CACNA1C: variants seen among roughly 807,000 people sequenced by gnomAD.
CACNA1C encodes the protein voltage-dependent L-type calcium channel subunit alpha-1C.
In CACNA1C, 30 loss-of-function variants were observed where a neutral mutation model predicts 229.0. The ratio of observed to expected loss-of-function variants is 0.13; its 90% CI spans 0.10 to 0.18. The LOEUF is 0.18. Among genes scored for constraint, CACNA1C ranks in the 10% least tolerant of loss-of-function variants. The probability of loss-of-function intolerance (pLI) is 1.00; values close to 1 mark genes in which losing one functional copy is unlikely to be tolerated. For synonymous variants in CACNA1C, 1,114 were observed against 1,132.5 expected, an observed-to-expected ratio of 0.98 and a Z score of 0.33; for missense variants, 1,658 against 2,845.0, an observed-to-expected ratio of 0.58 and a Z score of 9.49.
intron 3 of CACNA1C, among the ~76,000 whole-genome samples, chr12:2,191,568 A>G (rs934030064): frequency 9.2e-5 from 14 of 152,132 alleles, no homozygotes; most frequent in Non-Finnish European, 2.1e-4. Flanking sequence ...ACATGCACTC[A>G]CATGTACTCA....
At chr12:2,109,090 C>G (rs920066819) in intron 1 of CACNA1C, among the ~76,000 whole-genome samples, 1 of 152,204 alleles carries the variant, frequency 6.6e-6, no homozygotes, top group African/African-American at 2.4e-5. Context: ...CTCTCTAAAT[C>G]GATGTGGGTG....
chr12:2,234,086 C>T (rs1015256533), intron 3 of CACNA1C, among the ~76,000 whole-genome samples: 2 of 152,162 alleles, frequency 1.3e-5, no homozygotes, highest in Non-Finnish European at 2.9e-5. Flanking sequence ...GAATAAGAAT[C>T]ACTTTCACGG....
chr12:2,350,423 C>T (rs1473181613), intron 3 of CACNA1C, among the ~76,000 whole-genome samples: 2 of 152,232 alleles, frequency 1.3e-5, no homozygotes, highest in African/African-American at 2.4e-5. Context: ...CTTGCCCAAG[C>T]ACACACAAAT....
chr12:2,592,429 G>A (rs946610692), intron 18 of CACNA1C, among the ~76,000 whole-genome samples: 6 of 152,324 alleles, frequency 3.9e-5, no homozygotes, highest in South Asian at 2.1e-4. Flanking sequence ...TGGTCCAGGC[G>A]ATTGGCTGGA....
intron 3 of CACNA1C, among the ~76,000 whole-genome samples, chr12:2,121,802 C>T (rs1024685422): frequency 6.6e-6 from 1 of 152,232 alleles, no homozygotes; most frequent in Admixed American, 6.5e-5. Flanking sequence ...CTTCCTCTGC[C>T]ATGGTCCTCC....
In CACNA1C at chr12:2,694,616, C is replaced by G. The variant is rs374181179; in HGVS notation, c.*3417C>G. The G allele has an allele frequency of 2.6e-5, 4 of 152,340 alleles. No individual in the cohort carries two copies. The highest frequency in any genetic ancestry group is 9.6e-5 in the African/African-American group (4 of 41,578). The allele number at this position is 152,340 out of a possible 1,614,324, so 9.4% of individuals were successfully genotyped here. A position where few individuals can be genotyped will look rare whatever the true frequency, so the allele number is the denominator to read the frequency against. The stretch of plus-strand genomic sequence containing the variant: ...AAGGCAATGTCTCTCATTCTATTTC[C>G]CAGTTCCAAATTCCAGGTGCTTGTC... On this transcript the variant is annotated 3_prime_UTR_variant, in exon 47 of 47. Coordinates refer to ENST00000399655, the MANE Select transcript of CACNA1C (RefSeq NM_000719.7).
At position 2,029,867 on chromosome 12, in the gene CACNA1C, T is replaced by G. The variant is rs1164628718; in HGVS notation, c.139+58666T>G. Among the ~76,000 whole-genome samples, 1 of 152,248 alleles carries G rather than the reference T, an allele frequency of 6.6e-6. No individual in the cohort carries two copies. Among genetic ancestry groups the G allele is most frequent in the African/African-American group, 2.4e-5 (1 of 41,464 alleles). The stretch of plus-strand genomic sequence containing the variant: ...GTGGGACCTGCTCTGTTAGGTTCCC[T>G]GCCTGTCACTGCTCTTGTGCCCAGG... On this transcript the variant is annotated intron_variant, in intron 1 of 46. Coordinates refer to the CACNA1C transcript ENST00000682462. The surrounding 1 kb of genome is among the most constrained non-coding windows in gnomAD (Gnocchi z 4.9).
chr12:2,003,490 G>C (rs117796359), intron 1 of CACNA1C, among the ~76,000 whole-genome samples: 1,838 of 152,270 alleles, frequency 0.012, 18 homozygotes, highest in Middle Eastern at 0.034. Context: ...CTCTACATTC[G>C]AGTGGGTGGG....
chr12:2,533,799 G>T (rs570361296), intron 9 of CACNA1C, among the ~76,000 whole-genome samples: 1 of 152,270 alleles, frequency 6.6e-6, no homozygotes, highest in Admixed American at 6.5e-5. Flanking sequence ...TCCCGGTTCT[G>T]CTCTCGGCAG....
At chr12:2,336,221 T>C (rs982729455) in intron 3 of CACNA1C, among the ~76,000 whole-genome samples, 5 of 152,148 alleles carry the variant, frequency 3.3e-5, no homozygotes, top group Non-Finnish European at 7.4e-5. Context: ...ACAACCAGAG[T>C]GCACTAGGCA....
At chr12:2,572,375 T>C (rs202203917) in intron 13 of CACNA1C, among the ~76,000 whole-genome samples, 1 of 6,136 alleles carries the variant, frequency 1.6e-4, no homozygotes, top group Non-Finnish European at 3.2e-4. Context: ...CTTCTCCTCT[T>C]CCTCCTCTTC....
chr12:2,562,042 T>C (rs1165018148), intron 11 of CACNA1C, among the ~76,000 whole-genome samples: 1 of 152,182 alleles, frequency 6.6e-6, no homozygotes, highest in African/African-American at 2.4e-5. Flanking sequence ...TAATTATCTT[T>C]AAATACTTTC....
At chr12:2,555,337 AC>A (rs1435611543) in intron 10 of CACNA1C, among the ~76,000 whole-genome samples, 1 of 152,224 alleles carries the variant, frequency 6.6e-6, no homozygotes, top group Non-Finnish European at 1.5e-5. Flanking sequence ...CCCAGACAGG[AC>A]TACTGAGGTG....
At position 2,605,923 on chromosome 12, in the gene CACNA1C, C is replaced by T; in HGVS notation, c.3156+137C>T. The T allele has an allele frequency of 1.5e-6, 1 of 648,468 alleles. No homozygotes were observed. Among genetic ancestry groups the T allele is most frequent in the Non-Finnish European group, 2.8e-6 (1 of 357,298 alleles). 40.2% of individuals were successfully genotyped at this position (648,468 alleles called of 1,614,324 possible). The stretch of plus-strand genomic sequence containing the variant: ...CTTGGATATAACCTCCACCTGCAGC[C>T]CGACTCAACCTTCAGACCAGGGTAG... On this transcript the variant is annotated intron_variant, in intron 24 of 46. Coordinates refer to ENST00000399655, the MANE Select transcript of CACNA1C (RefSeq NM_000719.7). The surrounding 1 kb of genome is among the most constrained non-coding windows in gnomAD (Gnocchi z 6.2).
intron 9 of CACNA1C, among the ~76,000 whole-genome samples, chr12:2,521,290 A>G (rs1598772443): frequency 6.6e-6 from 1 of 152,132 alleles, no homozygotes; most frequent in South Asian, 2.1e-4. Context: ...TGGAGGCCAC[A>G]CTGTGGTTTT....
intron 1 of CACNA1C, among the ~76,000 whole-genome samples, chr12:2,031,164 G>A (rs1171816966): frequency 6.6e-6 from 1 of 152,170 alleles, no homozygotes; most frequent in East Asian, 1.9e-4. Context: ...GTGCCCATGG[G>A]CATCCTTGGT....
rs1170410162 is a variant in CACNA1C at position 2,596,002 on chromosome 12, A to G, written c.2792A>G (p.His931Arg). ...GTCCAGCACACCTCCTTCAGGAACC[A>G]TGTATGCATCGCCTGTGTCTTCTGC... ...DPVQHTSFRN[H>R]ILFYFDIVFT... The change falls in exon 20 of 47, where the codon CAT becomes CGT. Residue 931 changes from histidine (H) to arginine (R), a missense_variant and splice_region_variant. His to Arg is a conservative substitution (Grantham distance 29). Around this residue, in one of 20 missense-constraint regions of CACNA1C, gnomAD observed 52 missense variants for 99.0 expected, o/e 0.53. Transcript: ENST00000399655. 2.5e-6 allele frequency: 4 copies of G among 1,612,120 alleles called. No homozygotes were observed. The highest frequency in any genetic ancestry group is 2.2e-5 in the South Asian group (2 of 90,844).
At chr12:2,246,616 G>A (rs534706038) in intron 3 of CACNA1C, among the ~76,000 whole-genome samples, 19 of 152,276 alleles carry the variant, frequency 1.2e-4, no homozygotes, top group African/African-American at 3.6e-4. Context: ...GCACACCGAG[G>A]GTAGGTCGTC....
chr12:2,370,915 C>T (rs2097849647), intron 3 of CACNA1C, among the ~76,000 whole-genome samples: 1 of 152,144 alleles, frequency 6.6e-6, no homozygotes, highest in Admixed American at 6.5e-5. Flanking sequence ...TACAGTCAGG[C>T]TCGTCTGCTC....
Sources: gnomAD v4.1 joint callset for allele counts (sites outside exome capture counted in the v4.1 genomes callset) on GRCh38, gnomAD v4.1.1 for gene constraint, gnomAD v4.1.1 regional missense constraint, Gnocchi (gnomAD v3.1) non-coding constraint, MANE v1.5 for transcripts, NCBI Gene and HGNC (gene_info 2026-07-23, HGNC 2026-07-21) for gene names.